The following FAM216A variants were observed in gnomAD, a reference collection of about 807,000 sequenced individuals.
FAM216A encodes protein FAM216A.
In FAM216A, 26 loss-of-function variants were observed where a neutral mutation model predicts 37.6. The observed-to-expected ratio is 0.69, with a 90% CI of 0.51 to 0.96. The LOEUF (loss-of-function observed/expected upper bound fraction) is 0.96, where lower values mean the gene tolerates loss of function less well. Ranked by LOEUF, FAM216A falls within the 40% of genes least tolerant of loss-of-function variation. FAM216A has a pLI of 0.00. For synonymous variants in FAM216A, 110 were observed against 121.7 expected, an observed-to-expected ratio of 0.90 and a Z score of 0.64; for missense variants, 326 against 339.3, an observed-to-expected ratio of 0.96 and a Z score of 0.31.
intron 1 of FAM216A, among the ~76,000 whole-genome samples, chr12:110,470,885 C>G (rs1426658116): frequency 6.6e-6 from 1 of 151,734 alleles, no homozygotes; most frequent in African/African-American, 2.4e-5. Context: ...AAACACAAAC[C>G]AAGACTAATT....
intron 2 of FAM216A, among the ~76,000 whole-genome samples, chr12:110,478,802 A>G (rs994581274): frequency 6.6e-6 from 1 of 152,294 alleles, no homozygotes; most frequent in African/African-American, 2.4e-5. Context: ...CTATAGAACT[A>G]TGAGTCAATA....
At chr12:110,474,727 C>T (rs1013538976) in intron 2 of FAM216A, among the ~76,000 whole-genome samples, 10 of 144,564 alleles carry the variant, frequency 6.9e-5, no homozygotes, top group South Asian at 2.2e-4. Flanking sequence ...AAATGCTGGG[C>T]GCCGTGGCTC....
At chr12:110,469,112 C>A in intron 1 of FAM216A, 94 bp downstream of exon 1, 1 of 1,297,298 alleles carries the variant, frequency 7.7e-7, no homozygotes. Context: ...GGGCTGCGGC[C>A]GACCTCTCGT....
At chr12:110,469,132 T>A in intron 1 of FAM216A, 114 bp downstream of exon 1, 1 of 1,210,148 alleles carries the variant, frequency 8.3e-7, no homozygotes, top group Non-Finnish European at 1.1e-6. Context: ...TCTCGGGGGC[T>A]GGCCCCGGTG....
chr12:110,470,666 G>A (rs2062681203), intron 1 of FAM216A, among the ~76,000 whole-genome samples: 1 of 151,954 alleles, frequency 6.6e-6, no homozygotes, highest in Non-Finnish European at 1.5e-5. Context: ...TTTTAGTAGA[G>A]ATGGGCATGA....
chr12:110,475,026 A>G (rs1409484262), intron 2 of FAM216A, among the ~76,000 whole-genome samples: 1 of 151,936 alleles, frequency 6.6e-6, no homozygotes, highest in Non-Finnish European at 1.5e-5. Flanking sequence ...AATTACTACT[A>G]GATTGTGGAA....
At chr12:110,469,335 T>A (rs1161397985) in intron 1 of FAM216A, 12 of 301,028 alleles carry the variant, frequency 4.0e-5, no homozygotes, top group African/African-American at 2.6e-4. Flanking sequence ...GCTGGGACGT[T>A]TGCTGTCTGG....
At chr12:110,482,360 G>A (rs549825547) in intron 2 of FAM216A, among the ~76,000 whole-genome samples, 5 of 151,920 alleles carry the variant, frequency 3.3e-5, no homozygotes, top group Admixed American at 3.3e-4. Flanking sequence ...TTACAGGCAT[G>A]GGCCACCACA....
upstream of FAM216A, chr12:110,468,699 G>C (rs910878947): frequency 6.6e-7 from 1 of 1,521,142 alleles, no homozygotes; most frequent in Non-Finnish European, 8.8e-7. Context: ...AACGCTCAGC[G>C]ACCGCAGCGC....
At chr12:110,489,685 A>G (rs375152106) in intron 6 of FAM216A, among the ~76,000 whole-genome samples, 3 of 152,140 alleles carry the variant, frequency 2.0e-5, no homozygotes, top group Non-Finnish European at 4.4e-5. Flanking sequence ...GTGGTCCCCA[A>G]TAGAAGAGAT....
At chr12:110,479,943 C>G (rs2062736576) in intron 2 of FAM216A, among the ~76,000 whole-genome samples, 1 of 151,902 alleles carries the variant, frequency 6.6e-6, no homozygotes, top group African/African-American at 2.4e-5. Flanking sequence ...GCATATAGTC[C>G]AAGCAGTATA....
chr12:110,480,867 AG>A (rs1169048769), intron 2 of FAM216A, among the ~76,000 whole-genome samples: 2 of 152,048 alleles, frequency 1.3e-5, no homozygotes, highest in Non-Finnish European at 2.9e-5. Flanking sequence ...AATTAACTTT[AG>A]TTTTTTTTGT....
chr12:110,469,036 G>A lies in FAM216A; in HGVS notation c.143+18G>A, dbSNP rs1188377619. On this transcript the variant is annotated intron_variant, in intron 1 of 6. Coordinates refer to ENST00000377673, the MANE Select transcript of FAM216A (RefSeq NM_013300.3). ...GGCGGCGGGTGAGGTTGGGGGCCCC[G>A]GGGTAAGGGTGGCAGCATGGGGCCC... 4.2e-6 allele frequency: 6 copies of A among 1,439,470 alleles called. No homozygotes were observed. Among genetic ancestry groups the A allele is most frequent in the Non-Finnish European group, 5.5e-6 (6 of 1,098,382 alleles). The allele number at this position is 1,439,470 out of a possible 1,614,324, so 89.2% of individuals were successfully genotyped here. A position where few individuals can be genotyped will look rare whatever the true frequency, so the allele number is the denominator to read the frequency against.
At chr12:110,487,651 G>A in intron 5 of FAM216A, 1 of 538,780 alleles carries the variant, frequency 1.9e-6, no homozygotes, top group Non-Finnish European at 3.3e-6. Flanking sequence ...ATATAACAGG[G>A]AGAGGAAAAA....
intron 2 of FAM216A, among the ~76,000 whole-genome samples, chr12:110,482,230 C>A (rs952142425): frequency 1.3e-5 from 2 of 151,866 alleles, no homozygotes; most frequent in African/African-American, 2.4e-5. Flanking sequence ...TACAGGTGTA[C>A]GCCACCACAC....
chr12:110,473,386 AT>A (rs749446387), intron 2 of FAM216A, among the ~76,000 whole-genome samples: 1 of 151,860 alleles, frequency 6.6e-6, no homozygotes, highest in Non-Finnish European at 1.5e-5. Flanking sequence ...TAATTTTTCT[AT>A]TTTTAGTAGA....
intron 2 of FAM216A, 110 bp downstream of exon 2, chr12:110,473,228 T>C: frequency 2.0e-6 from 1 of 506,944 alleles, no homozygotes; most frequent in South Asian, 2.8e-5. Context: ...TCTTTTTTTT[T>C]TGAGATGGAG....
upstream of FAM216A, chr12:110,468,449 GGAT>G: frequency 6.5e-7 from 1 of 1,535,740 alleles, no homozygotes; most frequent in Non-Finnish European, 8.7e-7. Context: ...TCGGCCGTTG[GGAT>G]GCTGTCTAAG....
At position 110,484,986 on chromosome 12, in the gene FAM216A, C is replaced by T. The variant is rs574598750; in HGVS notation, c.185-92C>T. Reference sequence around the variant, plus strand: ...AAGTGCTGGGATTACAGGCGTGAGCCACCACACCCGGCCTAAATATCTAGA... The same window carrying T: ...AAGTGCTGGGATTACAGGCGTGAGCTACCACACCCGGCCTAAATATCTAGA... On this transcript the variant is annotated intron_variant, in intron 2 of 6. Coordinates refer to ENST00000377673, the MANE Select transcript of FAM216A (RefSeq NM_013300.3). 3.1e-5 allele frequency: 42 copies of T among 1,352,110 alleles called. No homozygotes were observed. The East Asian group carries it at 7.9e-4, about 26-fold the overall frequency. The allele number at this position is 1,352,110 out of a possible 1,614,324, so 83.8% of individuals were successfully genotyped here.
Sources: allele counts gnomAD v4.1 joint callset (sites outside exome capture counted in the v4.1 genomes callset), GRCh38; gene constraint gnomAD v4.1.1; transcripts MANE v1.5; gene names NCBI Gene and HGNC (gene_info 2026-07-23, HGNC 2026-07-21).